LIMK2: variants seen among roughly 807,000 people sequenced by gnomAD.
The protein encoded by LIMK2 is LIM domain kinase 2.
Under a neutral mutation model 75.7 loss-of-function variants are expected in LIMK2, and 35 were observed. That is an observed-to-expected ratio of 0.46 (90% confidence interval 0.35 to 0.61). The LOEUF (loss-of-function observed/expected upper bound fraction) is 0.61, where lower values mean the gene tolerates loss of function less well. Ranked by LOEUF, LIMK2 falls within the 20% of genes least tolerant of loss-of-function variation. The pLI is 0.00. For synonymous variants in LIMK2, 301 were observed against 319.2 expected, an observed-to-expected ratio of 0.94 and a Z score of 0.61; for missense variants, 623 against 831.0, an observed-to-expected ratio of 0.75 and a Z score of 3.08.
At chr22:31,274,829 C>T (rs13057843) in intron 14 of LIMK2, among the ~76,000 whole-genome samples, 2 of 152,202 alleles carry the variant, frequency 1.3e-5, no homozygotes, top group Non-Finnish European at 2.9e-5. Context: ...AGCCTTAACT[C>T]TGGCACACAC....
chr22:31,219,233 C>CT (rs900798150), intron 1 of LIMK2, among the ~76,000 whole-genome samples: 49 of 148,494 alleles, frequency 3.3e-4, no homozygotes, highest in East Asian at 7.8e-4. Context: ...TATTTTCCTT[C>CT]TTTTTTTTTT....
intron 11 of LIMK2, among the ~76,000 whole-genome samples, chr22:31,270,549 T>C (rs1250148453): frequency 6.6e-6 from 1 of 152,064 alleles, no homozygotes; most frequent in Non-Finnish European, 1.5e-5. Flanking sequence ...CTGAGAGTGG[T>C]AAGAGTCAGT....
intron 1 of LIMK2, among the ~76,000 whole-genome samples, chr22:31,222,153 C>T (rs1439699430): frequency 6.6e-6 from 1 of 151,962 alleles, no homozygotes; most frequent in East Asian, 1.9e-4. Flanking sequence ...TCACTGCAAC[C>T]TCTGCCTCCC....
intron 14 of LIMK2, 112 bp from the exon 15 acceptor site, chr22:31,275,039 T>G: frequency 9.7e-7 from 1 of 1,027,450 alleles, no homozygotes; most frequent in East Asian, 2.4e-5. Flanking sequence ...TAACCTATTT[T>G]ACCACCTCCT....
chr22:31,238,999 T>G (rs1409783580), intron 2 of LIMK2, among the ~76,000 whole-genome samples: 3 of 152,242 alleles, frequency 2.0e-5, no homozygotes, highest in Non-Finnish European at 4.4e-5. Flanking sequence ...TGGATGATTA[T>G]CTATAAGGGG....
chr22:31,231,596 C>G (rs1043506115), intron 2 of LIMK2, among the ~76,000 whole-genome samples: 3 of 152,082 alleles, frequency 2.0e-5, no homozygotes, highest in Non-Finnish European at 4.4e-5. Context: ...GAGTGGTACT[C>G]CTAGGATGTA....
chr22:31,259,826 G>A, intron 4 of LIMK2, 63 bp from the exon 5 acceptor site: 2 of 1,444,610 alleles, frequency 1.4e-6, no homozygotes, highest in Non-Finnish European at 1.9e-6. Context: ...ATGGTGCAGT[G>A]GTTGCTGGGG....
chr22:31,247,004 A>T (rs1183045266), intron 2 of LIMK2, among the ~76,000 whole-genome samples: 2 of 152,224 alleles, frequency 1.3e-5, no homozygotes, highest in East Asian at 3.8e-4. Flanking sequence ...ATGTGCTCTT[A>T]TCACATGCAT....
At chr22:31,233,630 C>T (rs927341029) in intron 2 of LIMK2, among the ~76,000 whole-genome samples, 2 of 152,166 alleles carry the variant, frequency 1.3e-5, no homozygotes, top group Non-Finnish European at 2.9e-5. Flanking sequence ...TACTATCAAC[C>T]TGGCTTGTCC....
At chr22:31,228,972 A>AC (rs2048502138) in intron 2 of LIMK2, among the ~76,000 whole-genome samples, 1 of 150,888 alleles carries the variant, frequency 6.6e-6, no homozygotes, top group African/African-American at 2.5e-5. Context: ...GAAAAAAAAA[A>AC]CCCTTAATAA....
intron 2 of LIMK2, among the ~76,000 whole-genome samples, chr22:31,254,460 G>A (rs955581467): frequency 2.6e-5 from 4 of 152,214 alleles, no homozygotes; most frequent in Non-Finnish European, 5.9e-5. Flanking sequence ...TTAAGGCTTT[G>A]CTCTTCCAGG....
At chr22:31,246,175 G>GCACACACACACACACACACACACA (rs1300039438) in intron 2 of LIMK2, among the ~76,000 whole-genome samples, 13 of 78,136 alleles carry the variant, frequency 1.7e-4, no homozygotes, top group Admixed American at 4.6e-4. Flanking sequence ...TCCGACACAC[G>GCACACACACACACACACACACACA]CACGCACGCA....
chr22:31,234,755 G>T (rs889542998), intron 2 of LIMK2, among the ~76,000 whole-genome samples: 6 of 150,230 alleles, frequency 4.0e-5, no homozygotes, highest in African/African-American at 1.5e-4. Flanking sequence ...CCTTAATTTG[G>T]CCTACAGTAG....
At chr22:31,276,654 G>A in intron 15 of LIMK2, 1 of 1,017,822 alleles carries the variant, frequency 9.8e-7, no homozygotes, top group Non-Finnish European at 1.2e-6. Flanking sequence ...GGCACAAGGA[G>A]GGGCCCCACG....
At chr22:31,271,283 C>A in intron 12 of LIMK2, 82 bp downstream of exon 12, 1 of 1,254,626 alleles carries the variant, frequency 8.0e-7, no homozygotes, top group South Asian at 1.2e-5. Context: ...GACTTGTCCC[C>A]TCTGGCTAGA....
At chr22:31,236,306 A>C (rs1183199421) in intron 2 of LIMK2, among the ~76,000 whole-genome samples, 7 of 150,760 alleles carry the variant, frequency 4.6e-5, no homozygotes, top group South Asian at 4.2e-4. Context: ...AAAAAAAAAA[A>C]AAAAACAAAC....
At chr22:31,226,108 G>A (rs1027797313) in intron 2 of LIMK2, among the ~76,000 whole-genome samples, 19 of 152,172 alleles carry the variant, frequency 1.2e-4, no homozygotes, top group Non-Finnish European at 2.9e-5. Flanking sequence ...AGGAAACTGA[G>A]GCCCAGGAAG....
intron 7 of LIMK2, among the ~76,000 whole-genome samples, chr22:31,263,312 T>C (rs1166104848): frequency 6.6e-6 from 1 of 152,176 alleles, no homozygotes; most frequent in African/African-American, 2.4e-5. Context: ...TCAAGAGCAC[T>C]GGCTCCCAGG....
Position 31,219,060 on chromosome 22 carries a change from C to A in LIMK2, c.16+6636C>A, listed in dbSNP as rs138969921. On this transcript the variant is annotated intron_variant, in intron 1 of 15. Coordinates refer to ENST00000331728, the MANE Select transcript of LIMK2 (RefSeq NM_005569.4). ...CTGCATTGGCTCTGAGCTGGGATACCAGGCCAACCCTTCCACTGAATAGCT... is the reference window on the plus strand; with the variant it reads ...CTGCATTGGCTCTGAGCTGGGATACAAGGCCAACCCTTCCACTGAATAGCT... 3.9e-4 allele frequency among the ~76,000 whole-genome samples: 59 copies of A among 152,306 alleles called. 3 individuals carry two copies. In the East Asian group the frequency reaches 0.011, roughly 28 times the overall value.
Sources: allele counts gnomAD v4.1 joint callset (sites outside exome capture counted in the v4.1 genomes callset), GRCh38; gene constraint gnomAD v4.1.1; transcripts MANE v1.5; gene names NCBI Gene and HGNC (gene_info 2026-07-23, HGNC 2026-07-21).